SYN2: variants seen among roughly 807,000 people sequenced by gnomAD.
SYN2 encodes synapsin-2.
Under a neutral mutation model 50.9 loss-of-function variants are expected in SYN2, and 19 were observed. The observed-to-expected ratio is 0.37, with a 90% confidence interval of 0.26 to 0.55. The LOEUF is 0.55. Ranked by LOEUF, SYN2 falls within the 20% of genes least tolerant of loss-of-function variation. The pLI is 0.81. For missense variants in SYN2, 587 were observed against 576.4 expected (o/e 1.02, Z -0.19); for synonymous variants, 255 against 224.9 (o/e 1.13, Z -1.20).
intron 1 of SYN2, among the ~76,000 whole-genome samples, chr3:12,045,438 T>G (rs1269732173): frequency 6.6e-6 from 1 of 152,204 alleles, no homozygotes; most frequent in Non-Finnish European, 1.5e-5. Flanking sequence ...TTCAGTTTTT[T>G]TCTGGGTTAA....
chr3:12,102,924 T>C (rs1696107644), intron 1 of SYN2, among the ~76,000 whole-genome samples: 1 of 152,124 alleles, frequency 6.6e-6, no homozygotes, highest in African/African-American at 2.4e-5. Flanking sequence ...TGAAATGGTA[T>C]TTCCAAAGTG....
intron 11 of SYN2, chr3:12,183,670 A>G: frequency 7.4e-7 from 1 of 1,350,948 alleles, no homozygotes. Context: ...TTGTGATTCC[A>G]GGGCTGTTTG....
intron 4 of SYN2, among the ~76,000 whole-genome samples, chr3:12,148,021 G>A (rs1192686487): frequency 6.6e-6 from 1 of 152,164 alleles, no homozygotes; most frequent in East Asian, 1.9e-4. Context: ...GGCTGAGGCG[G>A]GAGAATGGCG....
chr3:12,128,232 AC>A (rs1345473744), intron 1 of SYN2, among the ~76,000 whole-genome samples: 4 of 152,180 alleles, frequency 2.6e-5, no homozygotes, highest in Non-Finnish European at 5.9e-5. Flanking sequence ...GGTGTGAGCT[AC>A]CACGCCCAGC....
At chr3:12,121,883 G>A (rs1696568011) in intron 1 of SYN2, among the ~76,000 whole-genome samples, 1 of 152,204 alleles carries the variant, frequency 6.6e-6, no homozygotes, top group Admixed American at 6.5e-5. Context: ...TGATACTGCA[G>A]ACTTGAGTCT....
At chr3:12,125,901 C>T (rs896284673) in intron 1 of SYN2, among the ~76,000 whole-genome samples, 1 of 151,458 alleles carries the variant, frequency 6.6e-6, no homozygotes, top group African/African-American at 2.4e-5. Context: ...TCTGATGTCC[C>T]CTTGTTATAA....
intron 1 of SYN2, among the ~76,000 whole-genome samples, chr3:12,084,903 A>G (rs184381489): frequency 1.3e-5 from 2 of 152,306 alleles, no homozygotes; most frequent in Admixed American, 1.3e-4. Context: ...AAAGATAAAA[A>G]GAAAGGATTC....
rs541385324 is a variant in SYN2 at position 12,191,262 on chromosome 3, T to G, written c.*637T>G. 2 of 857,078 alleles carry G rather than the reference T, an allele frequency of 2.3e-6. No homozygotes were observed. The highest frequency in any genetic ancestry group is 1.2e-4 in the East Asian group (1 of 8,200). The allele number at this position is 857,078 out of a possible 1,614,324, so 53.1% of individuals were successfully genotyped here. A position where few individuals can be genotyped will look rare whatever the true frequency, so the allele number is the denominator to read the frequency against. Reference sequence around the variant, plus strand: ...TCTCCCCTCTGAAGAGTGGTTCTTATGTGCAATCTGCAGTAACCTTGAACT... The same window carrying G: ...TCTCCCCTCTGAAGAGTGGTTCTTAGGTGCAATCTGCAGTAACCTTGAACT... On this transcript the variant is annotated 3_prime_UTR_variant, in exon 13 of 13. Transcript: ENST00000621198.
chr3:12,167,253 A>T lies in SYN2; in HGVS notation c.1000A>T (p.Asn334Tyr). ...TTGCAGGAGGACATCGATCTCAGGG[A>T]ACTGGAAGACGAACACTGGCTCTGC... ...KAYMRTSISG[N>Y]WKTNTGSAML... The change falls in exon 8 of 13, where the codon AAC (asparagine) becomes TAC (tyrosine). Residue 334 changes from asparagine to tyrosine, a missense_variant. Coordinates refer to ENST00000621198, the MANE Select transcript of SYN2 (RefSeq NM_133625.6). The T allele has an allele frequency of 6.2e-7, 1 of 1,613,068 alleles. No individual in the cohort carries two copies. The highest frequency in any genetic ancestry group is 8.5e-7 in the Non-Finnish European group (1 of 1,179,658).
At chr3:12,104,705 G>A (rs1167960809) in intron 1 of SYN2, among the ~76,000 whole-genome samples, 1 of 149,164 alleles carries the variant, frequency 6.7e-6, no homozygotes, top group African/African-American at 2.5e-5. Flanking sequence ...TCAAGTAGCT[G>A]GAATTACAGG....
At chr3:12,162,759 A>C (rs1697684021) in intron 7 of SYN2, among the ~76,000 whole-genome samples, 1 of 152,218 alleles carries the variant, frequency 6.6e-6, no homozygotes, top group South Asian at 2.1e-4. Context: ...GAAAAATGCT[A>C]CAGAACATTA....
intron 12 of SYN2, among the ~76,000 whole-genome samples, chr3:12,189,499 A>G (rs761886068): frequency 9.9e-5 from 15 of 152,186 alleles, no homozygotes; most frequent in Non-Finnish European, 1.5e-4. Context: ...AAGGGTGGTT[A>G]CTACATCCAT....
intron 12 of SYN2, among the ~76,000 whole-genome samples, chr3:12,189,530 C>T (rs1028730648): frequency 2.6e-5 from 4 of 152,036 alleles, no homozygotes; most frequent in Admixed American, 2.0e-4. Context: ...GGGAAATTGC[C>T]GGGTGCGGTG....
chr3:12,076,582 A>G (rs1395796270), intron 1 of SYN2, among the ~76,000 whole-genome samples: 1 of 152,018 alleles, frequency 6.6e-6, no homozygotes, highest in Non-Finnish European at 1.5e-5. Flanking sequence ...CAAGGGAATC[A>G]CTGATAATAC....
intron 4 of SYN2, chr3:12,148,511 T>C (rs1486446759): frequency 6.6e-6 from 1 of 152,194 alleles, no homozygotes; most frequent in Non-Finnish European, 1.5e-5. Context: ...GATACTTTGA[T>C]TGGGTTGGAA....
chr3:12,177,476 T>C (rs557320212), intron 10 of SYN2, among the ~76,000 whole-genome samples: 17 of 152,178 alleles, frequency 1.1e-4, no homozygotes, highest in Non-Finnish European at 1.6e-4. Context: ...TAAGAAGGGG[T>C]TTCTTCACTC....
intron 1 of SYN2, among the ~76,000 whole-genome samples, chr3:12,124,645 A>G (rs1376845093): frequency 6.6e-6 from 1 of 152,228 alleles, no homozygotes; most frequent in African/African-American, 2.4e-5. Flanking sequence ...CCATGAATAC[A>G]TGTCAGAAAT....
intron 7 of SYN2, among the ~76,000 whole-genome samples, chr3:12,163,495 C>T (rs1559448969): frequency 6.6e-6 from 1 of 151,890 alleles, no homozygotes; most frequent in Non-Finnish European, 1.5e-5. Context: ...CCTTCACACA[C>T]CTCTTGGTTA....
intron 3 of SYN2, among the ~76,000 whole-genome samples, chr3:12,142,332 CAG>C (rs1383290573): frequency 6.6e-6 from 1 of 152,166 alleles, no homozygotes; most frequent in African/African-American, 2.4e-5. Flanking sequence ...CCTTGGAAAA[CAG>C]AGTTCCATTG....
Sources: allele counts gnomAD v4.1 joint callset (sites outside exome capture counted in the v4.1 genomes callset), GRCh38; gene constraint gnomAD v4.1.1; transcripts MANE v1.5; gene names NCBI Gene and HGNC (gene_info 2026-07-23, HGNC 2026-07-21).